Variants in ANKFN1 observed in about 807,000 individuals in gnomAD.
The protein encoded by ANKFN1 is ankyrin repeat and fibronectin type-III domain-containing protein 1.
In ANKFN1, 74 loss-of-function variants were observed where a neutral mutation model predicts 108.7. The ratio of observed to expected loss-of-function variants is 0.68; its 90% CI spans 0.56 to 0.83. The LOEUF is 0.83. ANKFN1 is among the 40% of genes least tolerant of loss of function. The probability of loss-of-function intolerance (pLI) is 0.00; values close to 1 mark genes in which losing one functional copy is unlikely to be tolerated. For synonymous variants in ANKFN1, 547 were observed against 516.2 expected (o/e 1.06, Z -0.81); for missense variants, 1,505 against 1,382.3 (o/e 1.09, Z -1.41).
At chr17:56,198,068 C>CT (rs1187297092) in intron 1 of ANKFN1, among the ~76,000 whole-genome samples, 1 of 152,166 alleles carries the variant, frequency 6.6e-6, no homozygotes, top group Non-Finnish European at 1.5e-5. Context: ...TTGCACATTC[C>CT]TTATGAGAGT....
chr17:56,509,462 T>A (rs1447810976), intron 20 of ANKFN1, among the ~76,000 whole-genome samples: 1 of 152,196 alleles, frequency 6.6e-6, no homozygotes, highest in Non-Finnish European at 1.5e-5. Flanking sequence ...CTAAGCCAGG[T>A]CCCTTTATGT....
intron 6 of ANKFN1, among the ~76,000 whole-genome samples, chr17:56,357,948 T>G (rs1194428813): frequency 6.6e-6 from 1 of 152,156 alleles, no homozygotes; most frequent in African/African-American, 2.4e-5. Context: ...ATTTTAAAGG[T>G]CAAATAGTTA....
At chr17:56,096,024 C>A (rs1347839842) in intron 4 of ANKFN1, among the ~76,000 whole-genome samples, 1 of 152,126 alleles carries the variant, frequency 6.6e-6, no homozygotes, top group African/African-American at 2.4e-5. Context: ...TTTCCCCAGG[C>A]CTCAGTTTTC....
rs531675598 is a variant in ANKFN1, at chr17:56,433,830, TA to T, written c.911-6484del. Among the ~76,000 whole-genome samples the T allele has an allele frequency of 3.4e-3, 481 of 143,518 alleles. 1 individual carries two copies. Among genetic ancestry groups the T allele is most frequent in the South Asian group, 0.011 (49 of 4,498 alleles). The allele number at this position is 143,518 out of a possible 152,430, so 94.2% of individuals were successfully genotyped here. On this transcript the variant is annotated intron_variant, in intron 8 of 20. Coordinates refer to ENST00000682825, the MANE Select transcript of ANKFN1 (RefSeq NM_001370326.1). ...CCTGTTACCCAATAACCTATGGAAA[TA>T]AAAAAAAAAAAACTGTAACAGTCAC...
At chr17:56,284,126 C>T (rs1046827858) in intron 3 of ANKFN1, among the ~76,000 whole-genome samples, 2 of 152,114 alleles carry the variant, frequency 1.3e-5, no homozygotes, top group Non-Finnish European at 2.9e-5. Context: ...TGTGTGTGCA[C>T]ACATGCTCAC....
chr17:56,467,806 GAAAGA>G (rs1568026490), intron 15 of ANKFN1, among the ~76,000 whole-genome samples: 7 of 35,530 alleles, frequency 2.0e-4, no homozygotes, highest in South Asian at 7.6e-4. Context: ...AAGAAAGAAA[GAAAGA>G]AAGAAAGAAA....
At chr17:56,440,473 CT>C (rs766112540) in intron 9 of ANKFN1, 49 bp downstream of exon 9, 4 of 1,478,670 alleles carry the variant, frequency 2.7e-6, no homozygotes, top group Non-Finnish European at 3.8e-6. Flanking sequence ...GATATTTGTG[CT>C]GGGATATCAG....
At chr17:56,322,463 C>G (rs1385824554) in intron 3 of ANKFN1, among the ~76,000 whole-genome samples, 1 of 152,188 alleles carries the variant, frequency 6.6e-6, no homozygotes. Flanking sequence ...TTCTCCTGCT[C>G]AGCTCACTGT....
chr17:56,170,807 T>TATATATATATACACACAC (rs1361307404), intron 1 of ANKFN1, among the ~76,000 whole-genome samples: 51 of 61,424 alleles, frequency 8.3e-4, no homozygotes, highest in African/African-American at 2.4e-3. Flanking sequence ...TATATATATA[T>TATATATATATACACACAC]ACACACACAC....
At chr17:56,323,812 G>A (rs2045440485) in intron 3 of ANKFN1, among the ~76,000 whole-genome samples, 1 of 152,154 alleles carries the variant, frequency 6.6e-6, no homozygotes, top group Non-Finnish European at 1.5e-5. Context: ...TGGACATACA[G>A]CAGAGAATAA....
At chr17:56,397,421 C>T (rs1318164139) in intron 8 of ANKFN1, among the ~76,000 whole-genome samples, 1 of 152,226 alleles carries the variant, frequency 6.6e-6, no homozygotes, top group African/African-American at 2.4e-5. Context: ...GAACTGTCCA[C>T]TGCCAAAGGA....
At chr17:56,498,830 C>T (rs2051281547) in intron 19 of ANKFN1, 52 bp from the exon 20 acceptor site, 2 of 1,443,658 alleles carry the variant, frequency 1.4e-6, no homozygotes, top group Admixed American at 2.0e-5. Flanking sequence ...AAATGTATTC[C>T]TTTTTAATCA....
intron 3 of ANKFN1, among the ~76,000 whole-genome samples, chr17:56,256,870 C>T (rs369519411): frequency 6.6e-6 from 1 of 152,162 alleles, no homozygotes; most frequent in African/African-American, 2.4e-5. Flanking sequence ...CTGATATTAT[C>T]AAGAGTCACT....
intron 6 of ANKFN1, among the ~76,000 whole-genome samples, chr17:56,361,814 T>C (rs1022431226): frequency 6.6e-6 from 1 of 152,122 alleles, no homozygotes; most frequent in African/African-American, 2.4e-5. Context: ...CCCACATTTC[T>C]TGCTATATGG....
chr17:56,151,404 T>C (rs1372431511), upstream of ANKFN1, among the ~76,000 whole-genome samples: 3 of 152,230 alleles, frequency 2.0e-5, no homozygotes, highest in Non-Finnish European at 4.4e-5. Flanking sequence ...TTTGTGGCTA[T>C]GTGCCAGTTG....
At chr17:56,229,661 C>CA (rs58714064) in intron 3 of ANKFN1, among the ~76,000 whole-genome samples, 5,073 of 39,798 alleles carry the variant, frequency 0.13, 711 homozygotes, top group African/African-American at 0.18. Context: ...TTTCAGATTG[C>CA]AAAAAAAAAA....
chr17:56,432,708 G>A (rs1260392767), intron 8 of ANKFN1, among the ~76,000 whole-genome samples: 1 of 152,202 alleles, frequency 6.6e-6, no homozygotes, highest in Admixed American at 6.5e-5. Context: ...CCTGGCCACT[G>A]CACAGACCTC....
intron 13 of ANKFN1, among the ~76,000 whole-genome samples, 188 bp from the exon 14 acceptor site, chr17:56,457,675 C>T (rs1485885353): frequency 1.3e-5 from 2 of 152,138 alleles, no homozygotes; most frequent in South Asian, 2.1e-4. Context: ...TGGATCTGAC[C>T]GTTTCATTAA....
At chr17:56,456,572 A>G (rs2049707475) in intron 11 of ANKFN1, among the ~76,000 whole-genome samples, 1 of 151,438 alleles carries the variant, frequency 6.6e-6, no homozygotes, top group African/African-American at 2.4e-5. Flanking sequence ...TAATTTTTGT[A>G]TTTTTAGTAG....
Sources: gnomAD v4.1 joint callset for allele counts (sites outside exome capture counted in the v4.1 genomes callset) on GRCh38, gnomAD v4.1.1 for gene constraint, MANE v1.5 for transcripts, NCBI Gene and HGNC (gene_info 2026-07-23, HGNC 2026-07-21) for gene names.